The following SPIDR variants were observed in gnomAD, a reference collection of about 807,000 sequenced individuals.
SPIDR encodes DNA repair-scaffolding protein.
Under a neutral mutation model 104.6 loss-of-function variants are expected in SPIDR, and 93 were observed. That is an observed-to-expected ratio of 0.89 (90% CI 0.75 to 1.06). SPIDR has a LOEUF of 1.06. SPIDR is among the 50% of genes least tolerant of loss of function. The pLI, the probability that SPIDR is intolerant of heterozygous loss-of-function variation, is 0.00. For missense variants in SPIDR, 1,154 were observed against 1,111.2 expected (o/e 1.04, Z -0.55); for synonymous variants, 431 against 416.9 (o/e 1.03, Z -0.41).
intron 8 of SPIDR, among the ~76,000 whole-genome samples, chr8:47,529,274 C>G (rs947743852): frequency 6.6e-6 from 1 of 151,832 alleles, no homozygotes; most frequent in African/African-American, 2.4e-5. Flanking sequence ...AAAAATTAAC[C>G]GGGCATGGTG....
chr8:47,695,748 T>C (rs2079240537), intron 11 of SPIDR, among the ~76,000 whole-genome samples: 1 of 152,240 alleles, frequency 6.6e-6, no homozygotes, highest in African/African-American at 2.4e-5. Flanking sequence ...AATGGTTGGT[T>C]TTCCAAATGA....
chr8:47,542,435 T>C (rs1347898875), intron 8 of SPIDR, among the ~76,000 whole-genome samples: 3 of 152,112 alleles, frequency 2.0e-5, no homozygotes, highest in Non-Finnish European at 4.4e-5. Context: ...GGGGGAAAGC[T>C]GACGTTAAAG....
At chr8:47,286,597 A>G (rs1434993847) in intron 3 of SPIDR, among the ~76,000 whole-genome samples, 1 of 152,158 alleles carries the variant, frequency 6.6e-6, no homozygotes, top group Non-Finnish European at 1.5e-5. Context: ...ACAAAAAATT[A>G]CATGTACATA....
chr8:47,485,513 C>T (rs1047208524), intron 8 of SPIDR, among the ~76,000 whole-genome samples: 2 of 152,198 alleles, frequency 1.3e-5, no homozygotes, highest in African/African-American at 4.8e-5. Context: ...AGTGGTTCTC[C>T]CAGCACAGAG....
intron 5 of SPIDR, among the ~76,000 whole-genome samples, chr8:47,384,962 T>G (rs2059718110): frequency 6.6e-6 from 1 of 152,250 alleles, no homozygotes; most frequent in Non-Finnish European, 1.5e-5. Flanking sequence ...CTCTCTCTTT[T>G]GTTCCTTCTC....
intron 11 of SPIDR, among the ~76,000 whole-genome samples, chr8:47,689,625 C>T (rs530158120): frequency 6.6e-6 from 1 of 152,312 alleles, no homozygotes; most frequent in African/African-American, 2.4e-5. Flanking sequence ...GAAGCATAGC[C>T]TAGCTTCATG....
At chr8:47,673,648 T>TC in intron 10 of SPIDR, 153 bp from the exon 11 acceptor site, 2 of 1,026,730 alleles carry the variant, frequency 1.9e-6, no homozygotes. Context: ...ATTTCTTTTT[T>TC]TTTTCCCCCC....
chr8:47,679,669 C>T (rs1300349163), intron 11 of SPIDR, among the ~76,000 whole-genome samples: 1 of 152,242 alleles, frequency 6.6e-6, no homozygotes, highest in Non-Finnish European at 1.5e-5. Flanking sequence ...TGTGCTGCGC[C>T]ACTGGGCTCC....
rs568830807 is a variant in SPIDR, at chr8:47,545,895, A to AT, written c.1098-49910dup. Among the ~76,000 whole-genome samples, 94 of 151,924 alleles carry AT rather than the reference A, an allele frequency of 6.2e-4. No individual in the cohort carries two copies. In the East Asian group the frequency reaches 0.013, roughly 21 times the overall value. On this transcript the variant is annotated intron_variant, in intron 8 of 19. Transcript: ENST00000297423. ...CTGTACTGATTTATGTGATCATATG[A>AT]TTTTTTCTTTATAATTTAATGTGGT... is the stretch of plus-strand genomic sequence containing the variant.
chr8:47,664,301 T>C (rs1434678336), intron 10 of SPIDR, among the ~76,000 whole-genome samples: 3 of 151,884 alleles, frequency 2.0e-5, no homozygotes, highest in East Asian at 3.9e-4. Context: ...GGAAGACTAG[T>C]GGGGGTAGGT....
chr8:47,507,357 A>G (rs1241152208), intron 8 of SPIDR, among the ~76,000 whole-genome samples: 1 of 152,210 alleles, frequency 6.6e-6, no homozygotes, highest in Admixed American at 6.5e-5. Context: ...ACCTCATGCC[A>G]TCTCTTCTGG....
At chr8:47,625,743 C>G (rs2065966809) in intron 10 of SPIDR, among the ~76,000 whole-genome samples, 1 of 151,978 alleles carries the variant, frequency 6.6e-6, no homozygotes, top group Admixed American at 6.6e-5. Flanking sequence ...AAAGAGGATA[C>G]AAACAAATGG....
intron 6 of SPIDR, among the ~76,000 whole-genome samples, chr8:47,403,337 G>A (rs1350280210): frequency 8.5e-5 from 13 of 152,180 alleles, no homozygotes; most frequent in East Asian, 1.9e-4. Flanking sequence ...TCAACATAGC[G>A]TTGGAAGTTC....
intron 8 of SPIDR, among the ~76,000 whole-genome samples, chr8:47,496,152 T>C (rs939396230): frequency 6.6e-6 from 1 of 152,278 alleles, no homozygotes; most frequent in South Asian, 2.1e-4. Context: ...GGAGTTTTAC[T>C]TCTTGCTTTT....
At chr8:47,523,689 C>A (rs1367937768) in intron 8 of SPIDR, among the ~76,000 whole-genome samples, 1 of 152,166 alleles carries the variant, frequency 6.6e-6, no homozygotes, top group Non-Finnish European at 1.5e-5. Context: ...TTCCCTGTTA[C>A]ATAGTGCTGG....
intron 10 of SPIDR, among the ~76,000 whole-genome samples, chr8:47,647,653 AGG>A (rs1491498911): frequency 7.3e-4 from 65 of 89,168 alleles, no homozygotes; most frequent in East Asian, 1.8e-3. Flanking sequence ...AGAGAGAGAG[AGG>A]GAGAGAGAGA....
chr8:47,622,126 C>T (rs1412873884), intron 10 of SPIDR, among the ~76,000 whole-genome samples: 5 of 152,078 alleles, frequency 3.3e-5, no homozygotes, highest in Admixed American at 2.6e-4. Context: ...GGGCGAGGTG[C>T]TCAGCCCTGT....
intron 5 of SPIDR, among the ~76,000 whole-genome samples, chr8:47,384,429 A>G (rs1399961724): frequency 3.3e-5 from 5 of 152,234 alleles, no homozygotes; most frequent in Non-Finnish European, 1.5e-5. Context: ...ATTATTAGAA[A>G]TTACTTTTTC....
At chr8:47,623,531 G>A (rs1468762297) in intron 10 of SPIDR, among the ~76,000 whole-genome samples, 2 of 151,500 alleles carry the variant, frequency 1.3e-5, no homozygotes, top group Non-Finnish European at 2.9e-5. Context: ...CAAAATGAAG[G>A]GATGGAGGAA....
Sources: gnomAD v4.1 joint callset for allele counts (sites outside exome capture counted in the v4.1 genomes callset) on GRCh38, gnomAD v4.1.1 for gene constraint, MANE v1.5 for transcripts, NCBI Gene and HGNC (gene_info 2026-07-23, HGNC 2026-07-21) for gene names.